The following CBL variants were observed in gnomAD, a reference collection of about 807,000 sequenced individuals.
The protein encoded by CBL is E3 ubiquitin-protein ligase CBL.
In CBL, 45 loss-of-function variants were observed where a neutral mutation model predicts 96.9. The observed-to-expected ratio is 0.46, with a 90% CI of 0.37 to 0.60. The LOEUF (loss-of-function observed/expected upper bound fraction) is 0.60, where lower values mean the gene tolerates loss of function less well. CBL is among the 20% of genes least tolerant of loss of function. The pLI is 0.00. For synonymous variants in CBL, 420 were observed against 426.8 expected (o/e 0.98, Z 0.20); for missense variants, 1,024 against 1,143.5 (o/e 0.90, Z 1.51).
At position 119,299,432 on chromosome 11, in the gene CBL, A is replaced by G. The variant is rs759245605; in HGVS notation, c.2435-63A>G. 2.0e-5 allele frequency: 29 copies of G among 1,438,266 alleles called. No homozygotes were observed. The South Asian group carries it at 3.3e-4, about 16-fold the overall frequency. 89.1% of individuals were successfully genotyped at this position (1,438,266 alleles called of 1,614,324 possible). A position where few individuals can be genotyped will look rare whatever the true frequency, so the allele number is the denominator to read the frequency against. On this transcript the variant is annotated intron_variant, in intron 15 of 15. Transcript: ENST00000264033. ...AATATCTTGATATTAGCACATTTTT[A>G]TTGCTGTTGTTAAATGAGGATTTCC...
intron 2 of CBL, among the ~76,000 whole-genome samples, chr11:119,256,707 C>T (rs1378111834): frequency 6.7e-6 from 1 of 148,918 alleles, no homozygotes; most frequent in African/African-American, 2.5e-5. Flanking sequence ...TTTTTAATCC[C>T]TCCCTGCCCT....
At chr11:119,282,489 A>C (rs958525106) in intron 9 of CBL, among the ~76,000 whole-genome samples, 1 of 152,256 alleles carries the variant, frequency 6.6e-6, no homozygotes, top group African/African-American at 2.4e-5. Flanking sequence ...AAGGATTTAA[A>C]GAATGATACG....
At chr11:119,283,153 A>G (rs1457668608) in intron 9 of CBL, among the ~76,000 whole-genome samples, 1 of 152,212 alleles carries the variant, frequency 6.6e-6, no homozygotes, top group Non-Finnish European at 1.5e-5. Flanking sequence ...TACAGGTATG[A>G]GAATCTTTTA....
chr11:119,252,046 T>A (rs1223817809), intron 2 of CBL, among the ~76,000 whole-genome samples: 4 of 149,828 alleles, frequency 2.7e-5, no homozygotes, highest in African/African-American at 1.0e-4. Context: ...GGCAGCTTAG[T>A]TTTTTTTACT....
intron 2 of CBL, among the ~76,000 whole-genome samples, chr11:119,260,955 T>TTTTTTTC: frequency 2.0e-5 from 3 of 148,294 alleles, no homozygotes; most frequent in Non-Finnish European, 3.0e-5. Flanking sequence ...TTTTTTTTTT[T>TTTTTTTC]TTTTAATGGA....
intron 2 of CBL, among the ~76,000 whole-genome samples, chr11:119,241,935 C>T (rs57705508): frequency 0.016 from 2,405 of 152,230 alleles, 55 homozygotes; most frequent in African/African-American, 0.054. Context: ...CTAGTTTGAG[C>T]AACTGGATAG....
intron 2 of CBL, among the ~76,000 whole-genome samples, chr11:119,257,506 A>G (rs1174566617): frequency 6.6e-6 from 1 of 151,990 alleles, no homozygotes; most frequent in Non-Finnish European, 1.5e-5. Context: ...TAGATTCTGG[A>G]TATTAGACCT....
chr11:119,254,047 G>A lies in CBL; in HGVS notation c.444-17688G>A, dbSNP rs115105946. Among the ~76,000 whole-genome samples, 306 of 149,532 alleles carry A rather than the reference G, an allele frequency of 2.0e-3. 2 individuals carry two copies. Among genetic ancestry groups the A allele is most frequent in the African/African-American group, 7.1e-3 (286 of 40,526 alleles). The stretch of plus-strand genomic sequence containing the variant: ...TGATTGATGAAAAATTATAGAAAGG[G>A]GAAAGTGTTATCAAAAGTCAGCTGG... On this transcript the variant is annotated intron_variant, in intron 2 of 15. Transcript: ENST00000264033.
chr11:119,263,112 G>T (rs1295617376), intron 2 of CBL, among the ~76,000 whole-genome samples: 1 of 152,200 alleles, frequency 6.6e-6, no homozygotes, highest in Non-Finnish European at 1.5e-5. Flanking sequence ...AACTCTTAGT[G>T]TTAACTGCTA....
intron 2 of CBL, among the ~76,000 whole-genome samples, chr11:119,246,781 A>G (rs1949635082): frequency 6.6e-6 from 1 of 152,334 alleles, no homozygotes; most frequent in East Asian, 1.9e-4. Flanking sequence ...GGTTAGTTGC[A>G]GTGTGCAACT....
intron 1 of CBL, among the ~76,000 whole-genome samples, chr11:119,213,534 C>T (rs1047609739): frequency 6.6e-6 from 1 of 152,158 alleles, no homozygotes; most frequent in Admixed American, 6.6e-5. Context: ...AGGGTAGCAC[C>T]TGTAACCTGC....
At position 119,303,946 on chromosome 11, in the gene CBL, T is replaced by G. The variant is rs1044752383; in HGVS notation, c.*4165T>G. The G allele has an allele frequency of 4.3e-6, 1 of 233,568 alleles. No homozygotes were observed. Among genetic ancestry groups the G allele is most frequent in the Non-Finnish European group, 8.5e-6 (1 of 118,048 alleles). 14.5% of individuals were successfully genotyped at this position (233,568 alleles called of 1,614,324 possible). A position where few individuals can be genotyped will look rare whatever the true frequency, so the allele number is the denominator to read the frequency against. ...GTACTATTTGGAATTGGTTTTCCAG[T>G]CTTTCAACAACCGTTGTGGCTAACT... On this transcript the variant is annotated 3_prime_UTR_variant, in exon 16 of 16. Coordinates refer to ENST00000264033, the MANE Select transcript of CBL (RefSeq NM_005188.4).
intron 2 of CBL, among the ~76,000 whole-genome samples, chr11:119,260,425 G>A (rs534833842): frequency 6.6e-6 from 1 of 152,000 alleles, no homozygotes; most frequent in Non-Finnish European, 1.5e-5. Flanking sequence ...TGTATTTTTA[G>A]TAGAGATGGG....
intron 2 of CBL, among the ~76,000 whole-genome samples, chr11:119,250,311 T>C (rs753314997): frequency 5.9e-4 from 90 of 152,352 alleles, no homozygotes; most frequent in Admixed American, 1.1e-3. Context: ...TTATTCCCTC[T>C]ACCCCTTTCA....
intron 2 of CBL, among the ~76,000 whole-genome samples, chr11:119,259,736 G>A (rs1008020081): frequency 1.3e-5 from 2 of 152,108 alleles, no homozygotes; most frequent in Non-Finnish European, 2.9e-5. Context: ...CAAAGAGATG[G>A]CATTAGTTTC....
chr11:119,224,334 A>T (rs1208849120), intron 1 of CBL, among the ~76,000 whole-genome samples: 2 of 152,026 alleles, frequency 1.3e-5, no homozygotes, highest in East Asian at 3.9e-4. Flanking sequence ...AACAGCTAGG[A>T]GGTTAGGGGC....
chr11:119,284,669 A>G (rs572777158), intron 9 of CBL, among the ~76,000 whole-genome samples: 1 of 152,178 alleles, frequency 6.6e-6, no homozygotes, highest in South Asian at 2.1e-4. Context: ...TGTAATTTTT[A>G]AAGTTGTAAA....
At chr11:119,236,622 T>TATATATATATAC (rs398017756) in intron 2 of CBL, among the ~76,000 whole-genome samples, 134 of 144,346 alleles carry the variant, frequency 9.3e-4, no homozygotes, top group African/African-American at 3.3e-3. Context: ...TATATATATA[T>TATATATATATAC]ACCCATAGGA....
At chr11:119,276,291 CTT>C (rs1949888957) in intron 6 of CBL, among the ~76,000 whole-genome samples, 157 bp downstream of exon 6, 2 of 152,306 alleles carry the variant, frequency 1.3e-5, no homozygotes, top group South Asian at 4.1e-4. Context: ...TCCTGGAAGA[CTT>C]TTGTTTTTCT....
Sources: allele counts gnomAD v4.1 joint callset (sites outside exome capture counted in the v4.1 genomes callset), GRCh38; gene constraint gnomAD v4.1.1; transcripts MANE v1.5; gene names NCBI Gene and HGNC (gene_info 2026-07-23, HGNC 2026-07-21).